SEC13: variants seen among roughly 807,000 people sequenced by gnomAD.
SEC13 encodes the protein protein SEC13 homolog.
Under a neutral mutation model 49.2 loss-of-function variants are expected in SEC13, and 25 were observed. The observed-to-expected ratio is 0.51, with a 90% CI of 0.37 to 0.71. SEC13 has a LOEUF of 0.71. Ranked by LOEUF, SEC13 falls within the 30% of genes least tolerant of loss-of-function variation. The pLI is 0.00. For missense variants in SEC13, 383 were observed against 417.6 expected (o/e 0.92, Z 0.72); for synonymous variants, 148 against 163.9 (o/e 0.90, Z 0.74).
In SEC13 at chr3:10,315,319, AC is replaced by A. The variant is rs1372933392; in HGVS notation, c.164+1del. 3.7e-6 allele frequency: 6 copies of A among 1,609,474 alleles called. No homozygotes were observed. Among genetic ancestry groups the A allele is most frequent in the Non-Finnish European group, 5.1e-6 (6 of 1,176,168 alleles). On this transcript the variant is annotated splice_donor_variant, in intron 3 of 8. Transcript: ENST00000350697. LOFTEE classifies it high-confidence loss of function. ...CCCTTCCCTGGGCTCGCCAGCACTT[AC>A]CCCCTGAGGTCGGCGATAAGGATCT...
chr3:10,305,891 C>T (rs1318282309), intron 5 of SEC13, 199 bp from the exon 6 acceptor site: 4 of 461,948 alleles, frequency 8.7e-6, no homozygotes, highest in African/African-American at 3.8e-5. Flanking sequence ...CTGCAGTGTG[C>T]GCTAAAAGTA....
intron 2 of SEC13, among the ~76,000 whole-genome samples, chr3:10,317,038 T>C (rs3843383): frequency 0.26 from 38,972 of 149,556 alleles, 5,848 homozygotes; most frequent in East Asian, 0.51. Context: ...GTACTTAGCA[T>C]GGGGCCTGAC....
chr3:10,312,759 C>A (rs377469746), intron 3 of SEC13, 29 bp from the exon 4 acceptor site: 1 of 1,612,994 alleles, frequency 6.2e-7, no homozygotes. Flanking sequence ...GCCAGAGGAA[C>A]CCACAGTGCC....
chr3:10,319,815 G>T (rs2059737379), intron 1 of SEC13, among the ~76,000 whole-genome samples: 3 of 21,696 alleles, frequency 1.4e-4, no homozygotes, highest in African/African-American at 2.3e-4. Flanking sequence ...GGGGGGGGGG[G>T]GAGGAAAGAG....
At chr3:10,313,141 C>T (rs1701388181) in intron 3 of SEC13, 1 of 233,442 alleles carries the variant, frequency 4.3e-6, no homozygotes, top group African/African-American at 2.2e-5. Flanking sequence ...CGGTCAGCTT[C>T]CTGAGGAGGC....
intron 6 of SEC13, 69 bp from the exon 7 acceptor site, chr3:10,305,225 C>T: frequency 1.3e-6 from 2 of 1,529,598 alleles, no homozygotes; most frequent in South Asian, 1.3e-5. Flanking sequence ...CCCAACCCAA[C>T]AGGCTCTGCC....
chr3:10,303,858 CAG>C (rs1700694714), intron 8 of SEC13, 166 bp downstream of exon 8: 1 of 703,442 alleles, frequency 1.4e-6, no homozygotes, highest in African/African-American at 1.7e-5. Flanking sequence ...AATACTACCT[CAG>C]GGGCTGTGAC....
chr3:10,312,145 C>T (rs748225640), intron 4 of SEC13, 47 bp from the exon 5 acceptor site: 2 of 1,538,382 alleles, frequency 1.3e-6, no homozygotes, highest in East Asian at 4.9e-5. Flanking sequence ...GAGACCGCGG[C>T]CCCAGGTCCC....
intron 3 of SEC13, among the ~76,000 whole-genome samples, chr3:10,314,565 A>AT (rs200596519): frequency 7.2e-5 from 11 of 152,126 alleles, no homozygotes; most frequent in African/African-American, 2.7e-4. Context: ...CTGAAAATGC[A>AT]TTTTTTTCCC....
intron 8 of SEC13, chr3:10,303,774 T>A: frequency 1.9e-6 from 1 of 525,130 alleles, no homozygotes; most frequent in African/African-American, 1.9e-5. Context: ...TGCCACCTCA[T>A]AGTTTTGGGA....
At chr3:10,306,105 CCTAA>C (rs1191919743) in intron 5 of SEC13, among the ~76,000 whole-genome samples, 15 of 152,126 alleles carry the variant, frequency 9.9e-5, no homozygotes, top group African/African-American at 3.6e-4. Context: ...TAACCACTGC[CCTAA>C]CTTCTAACCC....
At chr3:10,310,240 C>T (rs1288175299) in intron 5 of SEC13, among the ~76,000 whole-genome samples, 2 of 152,168 alleles carry the variant, frequency 1.3e-5, no homozygotes, top group East Asian at 3.8e-4. Flanking sequence ...CCTGTAATCC[C>T]AGCACTTTGG....
At position 10,305,652 on chromosome 3, in the gene SEC13, G is replaced by T; in HGVS notation, c.491C>A (p.Pro164His). Residue 164 changes from proline to histidine, a missense_variant, in exon 6 of 9, where the codon CCT (proline) becomes CAT (histidine). Transcript: ENST00000350697. ...CGATGGGTGGTCTATGAGGCTTCCAGGTACAACAGCAGGGGCCCAGCTGAC... is the reference window on the plus strand; with the variant it reads ...CGATGGGTGGTCTATGAGGCTTCCATGTACAACAGCAGGGGCCCAGCTGAC... Reference protein sequence around the residue: ...NAVSWAPAVVPGSLIDHPSGQ... With the variant: ...NAVSWAPAVVHGSLIDHPSGQ... The T allele has an allele frequency of 6.2e-7, 1 of 1,614,142 alleles. No individual in the cohort carries two copies. Among genetic ancestry groups the T allele is most frequent in the Non-Finnish European group, 8.5e-7 (1 of 1,180,006 alleles).
intron 2 of SEC13, among the ~76,000 whole-genome samples, chr3:10,316,087 C>T (rs770461854): frequency 2.6e-5 from 4 of 152,192 alleles, no homozygotes; most frequent in African/African-American, 7.2e-5. Context: ...CCTTAAGTGT[C>T]GCTGCTCTCA....
rs761225857 is a variant in SEC13 at position 10,301,232 on chromosome 3, G to T, written c.*29C>A. The T allele has an allele frequency of 6.2e-7, 1 of 1,614,108 alleles. No homozygotes were observed. The highest frequency in any genetic ancestry group is 8.5e-7 in the Non-Finnish European group (1 of 1,180,010). On this transcript the variant is annotated 3_prime_UTR_variant, in exon 9 of 9. Coordinates refer to ENST00000350697, the MANE Select transcript of SEC13 (RefSeq NM_183352.3). The stretch of plus-strand genomic sequence containing the variant: ...AGGAAGGGGCAGTCCTGGAGCTGGC[G>T]GGTGGGGAGCCAGGCCCCACCTGTC...
chr3:10,320,857 T>C, intron 1 of SEC13, 193 bp downstream of exon 1: 2 of 1,251,298 alleles, frequency 1.6e-6, no homozygotes, highest in Non-Finnish European at 1.0e-6. Flanking sequence ...GTCAGGGAGG[T>C]TCCTCGGCCT....
Position 10,315,725 on chromosome 3 carries a change from G to A in SEC13, c.49-289C>T, listed in dbSNP as rs532628629. 2.0e-3 allele frequency among the ~76,000 whole-genome samples: 308 copies of A among 151,952 alleles called. 1 individual carries two copies. Among genetic ancestry groups the A allele is most frequent in the African/African-American group, 7.1e-3 (294 of 41,430 alleles). ...TTCCTGTTCCGCAGGGTGGGTATGG[G>A]AGAAAAAAAGTTGGCCTAGCTGCCC... On this transcript the variant is annotated intron_variant, in intron 2 of 8. Coordinates refer to ENST00000350697, the MANE Select transcript of SEC13 (RefSeq NM_183352.3).
chr3:10,305,311 G>A (rs1700803639), intron 6 of SEC13, 155 bp from the exon 7 acceptor site: 15 of 1,114,252 alleles, frequency 1.3e-5, no homozygotes, highest in Non-Finnish European at 1.6e-5. Context: ...CACCCCAGCT[G>A]TAAAAAAAAC....
At chr3:10,310,038 G>A (rs1223388941) in intron 5 of SEC13, among the ~76,000 whole-genome samples, 1 of 151,688 alleles carries the variant, frequency 6.6e-6, no homozygotes, top group Non-Finnish European at 1.5e-5. Context: ...TGCTCTGGAG[G>A]ATCACAGAGC....
Sources: gnomAD v4.1 joint callset for allele counts (sites outside exome capture counted in the v4.1 genomes callset) on GRCh38, gnomAD v4.1.1 for gene constraint, MANE v1.5 for transcripts, NCBI Gene and HGNC (gene_info 2026-07-23, HGNC 2026-07-21) for gene names.